The following CCDC32 variants were observed in gnomAD, a reference collection of about 807,000 sequenced individuals.
The protein encoded by CCDC32 is coiled-coil domain containing 32.
Under a neutral mutation model 20.1 loss-of-function variants are expected in CCDC32, and 9 were observed. The ratio of observed to expected loss-of-function variants is 0.45; its 90% CI spans 0.27 to 0.78. The LOEUF (loss-of-function observed/expected upper bound fraction) is 0.78, where lower values mean the gene tolerates loss of function less well. Among genes scored for constraint, CCDC32 ranks in the 30% least tolerant of loss-of-function variants. The pLI is 0.16. For synonymous variants in CCDC32, 63 were observed against 79.0 expected, an observed-to-expected ratio of 0.80 and a Z score of 1.07; for missense variants, 204 against 215.5, an observed-to-expected ratio of 0.95 and a Z score of 0.33.
intron 2 of CCDC32, among the ~76,000 whole-genome samples, chr15:40,559,080 T>C (rs964354557): frequency 3.3e-5 from 5 of 150,974 alleles, no homozygotes; most frequent in Non-Finnish European, 7.4e-5. Context: ...CTCTCTCTCT[T>C]TCTCTTCCTT....
At chr15:40,563,425 A>G (rs1890790517) in intron 1 of CCDC32, among the ~76,000 whole-genome samples, 1 of 152,178 alleles carries the variant, frequency 6.6e-6, no homozygotes, top group Non-Finnish European at 1.5e-5. Context: ...CAAAAGGCAG[A>G]TACTGTGATT....
downstream of CCDC32, among the ~76,000 whole-genome samples, chr15:40,549,899 C>G (rs187728155): frequency 5.7e-4 from 87 of 152,300 alleles, no homozygotes; most frequent in African/African-American, 2.0e-3. Flanking sequence ...AAAACAGGGC[C>G]AGGGAGAGGC....
At position 40,553,507 on chromosome 15, in the gene CCDC32, C is replaced by T. The variant is rs1003741985; in HGVS notation, c.*464G>A. ...GCAGACTTCACTCTTACTGGCCCCA[C>T]TCACGTGACAATTCACCAAGGGAAT... On this transcript the variant is annotated 3_prime_UTR_variant, in exon 4 of 4. Coordinates refer to ENST00000416810, the MANE Select transcript of CCDC32 (RefSeq NM_001080792.4). 2 of 987,240 alleles carry T rather than the reference C, an allele frequency of 2.0e-6. No individual in the cohort carries two copies. The highest frequency in any genetic ancestry group is 3.5e-5 in the African/African-American group (2 of 57,268). The allele number at this position is 987,240 out of a possible 1,614,324, so 61.2% of individuals were successfully genotyped here. A position where few individuals can be genotyped will look rare whatever the true frequency, so the allele number is the denominator to read the frequency against.
rs563953872 is a variant in CCDC32 at position 40,540,973 on chromosome 15, A to C, written c.402-1618T>G. Among the ~76,000 whole-genome samples, 7 of 152,296 alleles carry C rather than the reference A, an allele frequency of 4.6e-5. No individual in the cohort carries two copies. In the East Asian group the frequency reaches 1.4e-3, roughly 29 times the overall value. On this transcript the variant is annotated intron_variant, in intron 3 of 3. Coordinates refer to the CCDC32 transcript ENST00000558113. ...TGGGCTGAACTCACCCCCGGGGAGA[A>C]CCACTTCCCACACTGGGCCACAGAG...
downstream of CCDC32, chr15:40,535,748 C>CTGAT: frequency 1.4e-6 from 1 of 702,112 alleles, no homozygotes; most frequent in Non-Finnish European, 1.7e-6. Context: ...TCATCTTTCT[C>CTGAT]TGATTGCAGT....
downstream of CCDC32, among the ~76,000 whole-genome samples, chr15:40,549,807 G>T (rs1327362816): frequency 6.6e-6 from 1 of 152,166 alleles, no homozygotes; most frequent in Non-Finnish European, 1.5e-5. Context: ...GCCAAAGCTG[G>T]TTGGGATAAT....
downstream of CCDC32, among the ~76,000 whole-genome samples, chr15:40,533,633 A>G (rs536559550): frequency 1.8e-4 from 27 of 152,180 alleles, no homozygotes; most frequent in Non-Finnish European, 3.4e-4. Flanking sequence ...ATGAGCCACC[A>G]TGCCTGGCCA....
chr15:40,531,996 A>C, downstream of CCDC32: 1 of 284,032 alleles, frequency 3.5e-6, no homozygotes, highest in Non-Finnish European at 6.5e-6. Context: ...AAGAACCTCA[A>C]TATCATCTGT....
chr15:40,543,525 G>C (rs1218381330), intron 3 of CCDC32, among the ~76,000 whole-genome samples: 1 of 152,124 alleles, frequency 6.6e-6, no homozygotes, highest in Non-Finnish European at 1.5e-5. Flanking sequence ...CATGATCTTG[G>C]CTCACTGCAA....
rs1322444810 is a variant in CCDC32 at position 40,553,299 on chromosome 15, G to A, written c.*672C>T. ...TTAAGTGCAGGAGGAAGTTGGAGGA[G>A]AAGCCATGCATGAAGTAAAAAATAC... On this transcript the variant is annotated 3_prime_UTR_variant, in exon 4 of 4. Transcript: ENST00000416810. 5.1e-6 allele frequency: 5 copies of A among 985,330 alleles called. No individual in the cohort carries two copies. The highest frequency in any genetic ancestry group is 6.0e-6 in the Non-Finnish European group (5 of 829,960). The allele number at this position is 985,330 out of a possible 1,614,324, so 61.0% of individuals were successfully genotyped here. A position where few individuals can be genotyped will look rare whatever the true frequency, so the allele number is the denominator to read the frequency against.
At chr15:40,552,358 G>A (rs1037749269), downstream of CCDC32, among the ~76,000 whole-genome samples, 1 of 151,182 alleles carries the variant, frequency 6.6e-6, no homozygotes, top group African/African-American at 2.4e-5. Flanking sequence ...GTGCATGCCT[G>A]TAATCCCAGC....
intron 3 of CCDC32, among the ~76,000 whole-genome samples, chr15:40,542,200 C>T (rs181532412): frequency 6.6e-6 from 1 of 152,218 alleles, no homozygotes; most frequent in Non-Finnish European, 1.5e-5. Context: ...TATTGTTGAA[C>T]AGCTATTAGA....
At chr15:40,524,116 CA>C (rs1894866985), downstream of CCDC32, among the ~76,000 whole-genome samples, 1 of 133,984 alleles carries the variant, frequency 7.5e-6, no homozygotes, top group South Asian at 2.5e-4. Context: ...AAAAGAAGAA[CA>C]AATTATTGAT....
At chr15:40,532,095 T>C, downstream of CCDC32, 1 of 474,162 alleles carries the variant, frequency 2.1e-6, no homozygotes, top group Non-Finnish European at 3.8e-6. Flanking sequence ...TTTGCTAAGT[T>C]GTTCTATTAT....
At chr15:40,561,707 A>C (rs1193312792) in intron 2 of CCDC32, among the ~76,000 whole-genome samples, 2 of 151,598 alleles carry the variant, frequency 1.3e-5, no homozygotes, top group East Asian at 4.0e-4. Flanking sequence ...TGAAATAAAA[A>C]AATTAGGGCC....
chr15:40,549,578 C>T (rs1889757308), downstream of CCDC32, among the ~76,000 whole-genome samples: 1 of 152,158 alleles, frequency 6.6e-6, no homozygotes, highest in South Asian at 2.1e-4. Flanking sequence ...ATGAGGTAGG[C>T]TCTACTCCCC....
intron 3 of CCDC32, 83 bp from the exon 4 acceptor site, chr15:40,554,210 T>C (rs1890082210): frequency 3.3e-6 from 5 of 1,509,178 alleles, no homozygotes; most frequent in Non-Finnish European, 4.5e-6. Flanking sequence ...ACTCAAACAC[T>C]ACCTTCCCGC....
At chr15:40,563,914 G>A (rs28634695) in intron 1 of CCDC32, among the ~76,000 whole-genome samples, 53,389 of 151,214 alleles carry the variant, frequency 0.35, 10,342 homozygotes, top group Non-Finnish European at 0.45. Flanking sequence ...TCCGCCTCCC[G>A]GGTTCACGCC....
the CCDC32 span, among the ~76,000 whole-genome samples, chr15:40,523,461 G>A: frequency 4.2e-5 from 6 of 142,862 alleles, no homozygotes; most frequent in Admixed American, 7.3e-5. Flanking sequence ...CCAAAATCCC[G>A]CCATTGCACT....
Sources: gnomAD v4.1 joint callset for allele counts (sites outside exome capture counted in the v4.1 genomes callset) on GRCh38, gnomAD v4.1.1 for gene constraint, MANE v1.5 for transcripts, NCBI Gene and HGNC (gene_info 2026-07-23, HGNC 2026-07-21) for gene names.